Variants in LRP1B observed in about 807,000 individuals in gnomAD.
LRP1B encodes LDL receptor related protein 1B.
A neutral mutation model predicts 556.6 loss-of-function variants in LRP1B; 217 were observed. The observed-to-expected ratio is 0.39, with a 90% CI of 0.35 to 0.44. LRP1B has a LOEUF of 0.44. Ranked by LOEUF, LRP1B falls within the 20% of genes least tolerant of loss-of-function variation. The pLI, the probability that LRP1B is intolerant of heterozygous loss-of-function variation, is 1.00. For missense variants in LRP1B, 5,053 were observed against 5,620.8 expected, an observed-to-expected ratio of 0.90 and a Z score of 3.23; for synonymous variants, 2,047 against 1,865.8, an observed-to-expected ratio of 1.10 and a Z score of -2.50.
intron 35 of LRP1B, among the ~76,000 whole-genome samples, chr2:140,737,468 T>A (rs1313230129): frequency 6.6e-6 from 1 of 152,192 alleles, no homozygotes; most frequent in African/African-American, 2.4e-5. Flanking sequence ...TGGCTCTTTG[T>A]GGGCTCACTG....
At chr2:140,682,242 T>G (rs529223431) in intron 41 of LRP1B, among the ~76,000 whole-genome samples, 33 of 152,324 alleles carry the variant, frequency 2.2e-4, no homozygotes, top group African/African-American at 7.5e-4. Flanking sequence ...TTCACTTTAC[T>G]ATGTGTGCTG....
chr2:141,058,315 C>A (rs1302626005), intron 9 of LRP1B, among the ~76,000 whole-genome samples: 2 of 151,672 alleles, frequency 1.3e-5, no homozygotes, highest in African/African-American at 4.8e-5. Context: ...TTGCTGGTGG[C>A]TTTTTATATT....
At chr2:141,599,931 T>TGCCTCCACTCACTCCCTGCC (rs1687666856) in intron 2 of LRP1B, among the ~76,000 whole-genome samples, 1 of 152,100 alleles carries the variant, frequency 6.6e-6, no homozygotes, top group African/African-American at 2.4e-5. Context: ...TGCTATTTTC[T>TGCCTCCACTCACTCCCTGCC]GCCTCCACTC....
intron 25 of LRP1B, among the ~76,000 whole-genome samples, chr2:140,873,329 C>G (rs1263626254): frequency 6.6e-6 from 1 of 152,080 alleles, no homozygotes; most frequent in Non-Finnish European, 1.5e-5. Context: ...ACAGCTGCAT[C>G]TTAAATTTAG....
intron 66 of LRP1B, 54 bp downstream of exon 66, chr2:140,442,450 C>G (rs188379513): frequency 8.9e-6 from 14 of 1,568,078 alleles, no homozygotes; most frequent in Non-Finnish European, 1.2e-5. Flanking sequence ...CTGTGGTTGT[C>G]GCAGATGATG....
At chr2:140,645,010 C>T (rs544484879) in intron 41 of LRP1B, among the ~76,000 whole-genome samples, 1 of 152,098 alleles carries the variant, frequency 6.6e-6, no homozygotes, top group Non-Finnish European at 1.5e-5. Context: ...AACTACCTCT[C>T]GGATTTCCAC....
chr2:141,068,154 T>C (rs979161998), intron 7 of LRP1B, among the ~76,000 whole-genome samples: 2 of 152,034 alleles, frequency 1.3e-5, no homozygotes, highest in Non-Finnish European at 2.9e-5. Flanking sequence ...AATTGTGTTC[T>C]AAAGATTTTG....
At chr2:141,638,050 A>G (rs1254974027) in intron 2 of LRP1B, among the ~76,000 whole-genome samples, 4 of 152,056 alleles carry the variant, frequency 2.6e-5, no homozygotes, top group African/African-American at 9.7e-5. Context: ...AAAATACAAA[A>G]AATTAGCTTG....
At chr2:140,807,595 C>T (rs532796552) in intron 32 of LRP1B, among the ~76,000 whole-genome samples, 1 of 150,764 alleles carries the variant, frequency 6.6e-6, no homozygotes, top group African/African-American at 2.4e-5. Context: ...TCGTGATCCA[C>T]CTGCCTCGAG....
chr2:141,033,230 G>A (rs112084692), intron 11 of LRP1B, among the ~76,000 whole-genome samples: 2,847 of 152,012 alleles, frequency 0.019, 44 homozygotes, highest in Non-Finnish European at 0.028. Flanking sequence ...AGGTGGCTAG[G>A]CAGAGAGAGC....
At chr2:140,898,927 A>G (rs1694025101) in intron 23 of LRP1B, 2 of 374,922 alleles carry the variant, frequency 5.3e-6, no homozygotes, top group Admixed American at 3.4e-5. Flanking sequence ...TCAGGTCTCA[A>G]TAAAGATATC....
chr2:142,130,574 A>G, intron 1 of LRP1B, 74 bp downstream of exon 1: 1 of 1,275,816 alleles, frequency 7.8e-7, no homozygotes, highest in East Asian at 2.5e-5. Flanking sequence ...TTTCACACTC[A>G]CTTATCTGCA....
rs968557654 is a variant in LRP1B, at chr2:140,765,911, C to T, written c.5758+3302G>A. Reference sequence around the variant, plus strand: ...GTTTGTTTAGAATAAGAGGCTAATGCTAAATGACGAGTTAATGGGTGCAGC... The same window carrying T: ...GTTTGTTTAGAATAAGAGGCTAATGTTAAATGACGAGTTAATGGGTGCAGC... On this transcript the variant is annotated intron_variant, in intron 35 of 90. Transcript: ENST00000389484. Among the ~76,000 whole-genome samples, 5 of 151,896 alleles carry T rather than the reference C, an allele frequency of 3.3e-5. No individual in the cohort carries two copies. The South Asian group carries it at 8.3e-4, about 25-fold the overall frequency.
intron 35 of LRP1B, among the ~76,000 whole-genome samples, chr2:140,727,317 C>T (rs1687628420): frequency 6.6e-6 from 1 of 152,076 alleles, no homozygotes; most frequent in Non-Finnish European, 1.5e-5. Context: ...TTGCTTGTGA[C>T]AGGAGGGACA....
intron 1 of LRP1B, among the ~76,000 whole-genome samples, chr2:142,101,943 T>G (rs948985608): frequency 6.6e-5 from 10 of 151,978 alleles, no homozygotes; most frequent in Non-Finnish European, 1.3e-4. Flanking sequence ...TGAGATAGTA[T>G]GGAGAGAGAA....
chr2:140,451,380 T>C (rs1686880463), intron 62 of LRP1B, among the ~76,000 whole-genome samples: 1 of 152,198 alleles, frequency 6.6e-6, no homozygotes, highest in African/African-American at 2.4e-5. Context: ...GGCTAAAAGC[T>C]ATCAGGAATA....
At chr2:141,427,363 T>A (rs1680408728) in intron 3 of LRP1B, among the ~76,000 whole-genome samples, 1 of 152,134 alleles carries the variant, frequency 6.6e-6, no homozygotes, top group South Asian at 2.1e-4. Flanking sequence ...TTTTAAAAAG[T>A]TCAGACTAGA....
At chr2:141,063,123 T>C (rs1699386750) in intron 7 of LRP1B, among the ~76,000 whole-genome samples, 1 of 151,844 alleles carries the variant, frequency 6.6e-6, no homozygotes, top group Non-Finnish European at 1.5e-5. Context: ...CTCATGAGAC[T>C]AAATTACATT....
At chr2:140,335,549 A>G in intron 78 of LRP1B, 66 bp downstream of exon 78, 3 of 959,790 alleles carry the variant, frequency 3.1e-6, no homozygotes, top group Non-Finnish European at 1.7e-6. Context: ...GACAAAATCT[A>G]TAGAGCATAA....
Sources: allele counts gnomAD v4.1 joint callset (sites outside exome capture counted in the v4.1 genomes callset), GRCh38; gene constraint gnomAD v4.1.1; transcripts MANE v1.5; gene names NCBI Gene and HGNC (gene_info 2026-07-23, HGNC 2026-07-21).